TRIM61: variants seen among roughly 807,000 people sequenced by gnomAD.
TRIM61 encodes putative tripartite motif-containing protein 61.
A neutral mutation model predicts 14.2 loss-of-function variants in TRIM61; 1 was observed. The observed-to-expected ratio is 0.07, with a 90% CI of 0.03 to 0.33. TRIM61 has a LOEUF of 0.33. TRIM61 is among the 10% of genes least tolerant of loss of function. The pLI, the probability that TRIM61 is intolerant of heterozygous loss-of-function variation, is 0.99. For synonymous variants in TRIM61, 8 were observed against 71.6 expected, an observed-to-expected ratio of 0.11 and a Z score of 4.49; for missense variants, 19 against 202.2, an observed-to-expected ratio of 0.09 and a Z score of 5.49.
At chr4:164,962,221 C>A (rs1336880461) in intron 3 of TRIM61, among the ~76,000 whole-genome samples, 2 of 128,922 alleles carry the variant, frequency 1.6e-5, no homozygotes, top group Admixed American at 1.6e-4. Flanking sequence ...ATAGTTACTT[C>A]TTTTTTTTTT....
chr4:164,970,697 A>T (rs917251728), intron 2 of TRIM61, among the ~76,000 whole-genome samples: 47 of 147,208 alleles, frequency 3.2e-4, no homozygotes, highest in Middle Eastern at 4.2e-3. Context: ...AACAAGCATT[A>T]AAAAAAAAGG....
intron 3 of TRIM61, among the ~76,000 whole-genome samples, chr4:164,960,978 A>G (rs1363635528): frequency 2.0e-5 from 3 of 151,930 alleles, no homozygotes; most frequent in Admixed American, 6.6e-5. Context: ...ATATACATAT[A>G]TTTACCTCAG....
intron 2 of TRIM61, among the ~76,000 whole-genome samples, chr4:164,975,516 G>A (rs1181224683): frequency 6.6e-6 from 1 of 152,176 alleles, no homozygotes; most frequent in African/African-American, 2.4e-5. Context: ...CAGCCACTTT[G>A]ACTCAACCTG....
Position 164,969,889 on chromosome 4 carries a change from G to A in TRIM61, c.114C>T (p.Ser38=). The A allele has an allele frequency of 1.2e-6, 2 of 1,613,974 alleles. No homozygotes were observed. The highest frequency in any genetic ancestry group is 2.2e-5 in the East Asian group (1 of 44,880). The stretch of plus-strand genomic sequence containing the variant: ...GATCCTTCCAGGACATAATGATGCA[G>A]GAGAGACAGAAGTTATGCCCACAGC... Residue 38 remains serine (S), a synonymous_variant, in exon 3 of 5, where the codon TCC becomes TCT. Coordinates refer to ENST00000329314, the MANE Select transcript of TRIM61 (RefSeq NM_001012414.3).
At chr4:164,961,178 A>G (rs1448402649) in intron 3 of TRIM61, among the ~76,000 whole-genome samples, 36 of 143,058 alleles carry the variant, frequency 2.5e-4, no homozygotes, top group African/African-American at 8.2e-4. Context: ...AAAAAAAAAA[A>G]AAAAAAAAAA....
rs1731935714 is a variant in TRIM61, at chr4:164,954,598, A to G, written c.*187T>C. On this transcript the variant is annotated 3_prime_UTR_variant, in exon 5 of 5. Coordinates refer to ENST00000329314, the MANE Select transcript of TRIM61 (RefSeq NM_001012414.3). ...ATTTATATGTACATATTATACAGAA[A>G]TACATATAATTACATACCTTACAAA... The G allele has an allele frequency of 6.6e-6, 1 of 152,228 alleles. No individual in the cohort carries two copies. The highest frequency in any genetic ancestry group is 1.5e-5 in the Non-Finnish European group (1 of 68,046). The allele number at this position is 152,228 out of a possible 1,614,324, so 9.4% of individuals were successfully genotyped here.
intron 2 of TRIM61, among the ~76,000 whole-genome samples, chr4:164,973,402 C>A (rs1732413728): frequency 6.6e-6 from 1 of 152,180 alleles, no homozygotes; most frequent in South Asian, 2.1e-4. Context: ...TATATCAAAT[C>A]AACTTAGATT....
At chr4:164,966,502 TGAG>T (rs1247677766) in intron 3 of TRIM61, among the ~76,000 whole-genome samples, 2 of 152,222 alleles carry the variant, frequency 1.3e-5, no homozygotes, top group East Asian at 1.9e-4. Context: ...CCAAAAGAGC[TGAG>T]GAGTTCAAAG....
Position 164,954,560 on chromosome 4 carries a change from TATTA to T in TRIM61, c.*221_*224del, listed in dbSNP as rs1441067249. 5 of 152,366 alleles carry T rather than the reference TATTA, an allele frequency of 3.3e-5. No individual in the cohort carries two copies. The highest frequency in any genetic ancestry group is 3.9e-4 in the East Asian group (2 of 5,194). The allele number at this position is 152,366 out of a possible 1,614,324, so 9.4% of individuals were successfully genotyped here. The stretch of plus-strand genomic sequence containing the variant: ...TTGATTATAATTCAATATGTTCTTG[TATTA>T]ATTAGCATATTTATATGTACATATT... On this transcript the variant is annotated 3_prime_UTR_variant, in exon 5 of 5. Transcript: ENST00000329314.
chr4:164,964,800 A>T (rs1732203290), intron 3 of TRIM61, among the ~76,000 whole-genome samples: 1 of 152,244 alleles, frequency 6.6e-6, no homozygotes, highest in Admixed American at 6.5e-5. Context: ...CAAAACCCTT[A>T]TCACTTACAG....
chr4:164,972,448 G>A (rs981079242), intron 2 of TRIM61, among the ~76,000 whole-genome samples: 2 of 152,126 alleles, frequency 1.3e-5, no homozygotes, highest in African/African-American at 2.4e-5. Context: ...AATGTTCCCT[G>A]CCTCCACCTT....
intron 2 of TRIM61, among the ~76,000 whole-genome samples, chr4:164,972,988 AAAAC>A (rs1325892377): frequency 9.8e-5 from 15 of 152,294 alleles, no homozygotes; most frequent in Non-Finnish European, 1.8e-4. Flanking sequence ...GTACTTAACG[AAAAC>A]AAACAAACAA....
chr4:164,965,493 G>A (rs7657639), intron 3 of TRIM61, among the ~76,000 whole-genome samples: 22,088 of 146,712 alleles, frequency 0.15, 2,479 homozygotes, highest in East Asian at 0.6. Flanking sequence ...GAGTGCAGTG[G>A]CGCGATCTCG....
chr4:164,971,423 C>G (rs570139924), intron 2 of TRIM61, among the ~76,000 whole-genome samples: 5 of 152,024 alleles, frequency 3.3e-5, no homozygotes, highest in African/African-American at 7.2e-5. Flanking sequence ...GAAACCCCGT[C>G]TCTACTAAAA....
intron 3 of TRIM61, among the ~76,000 whole-genome samples, chr4:164,967,599 T>C (rs1034681572): frequency 6.6e-6 from 1 of 152,100 alleles, no homozygotes; most frequent in Non-Finnish European, 1.5e-5. Context: ...CAGAGGAGGA[T>C]GTAAGAATGC....
intron 2 of TRIM61, among the ~76,000 whole-genome samples, chr4:164,974,039 G>A (rs890102756): frequency 2.0e-5 from 3 of 152,198 alleles, no homozygotes; most frequent in African/African-American, 4.8e-5. Context: ...CAGTGGTGGC[G>A]CATGCCAGTA....
At chr4:164,967,191 TTAAA>T (rs1319889995) in intron 3 of TRIM61, among the ~76,000 whole-genome samples, 1 of 152,146 alleles carries the variant, frequency 6.6e-6, no homozygotes, top group East Asian at 1.9e-4. Flanking sequence ...ACAAAACATG[TTAAA>T]TAACACGTAC....
chr4:164,973,530 TGA>T, intron 2 of TRIM61, among the ~76,000 whole-genome samples: 1 of 152,330 alleles, frequency 6.6e-6, no homozygotes, highest in Non-Finnish European at 1.5e-5. Flanking sequence ...AAATACAAAC[TGA>T]GAGCTAACAA....
At chr4:164,962,307 G>A (rs939845407) in intron 3 of TRIM61, among the ~76,000 whole-genome samples, 56 of 148,074 alleles carry the variant, frequency 3.8e-4, no homozygotes, top group African/African-American at 1.3e-3. Context: ...TGCAAGCTCC[G>A]CCTCCCGGGT....
Sources: gnomAD v4.1 joint callset for allele counts (sites outside exome capture counted in the v4.1 genomes callset) on GRCh38, gnomAD v4.1.1 for gene constraint, MANE v1.5 for transcripts, NCBI Gene and HGNC (gene_info 2026-07-23, HGNC 2026-07-21) for gene names.